Variants in ENTPD4 observed in about 807,000 individuals in gnomAD.
ENTPD4 encodes the protein ectonucleoside triphosphate diphosphohydrolase 4.
ENTPD4 carries 60 observed loss-of-function variants against 79.1 expected under a neutral mutation model. The ratio of observed to expected loss-of-function variants is 0.76; its 90% CI spans 0.62 to 0.94. ENTPD4 has a LOEUF of 0.94. Ranked by LOEUF, ENTPD4 falls within the 40% of genes least tolerant of loss-of-function variation. The pLI is 0.00. For missense variants in ENTPD4, 772 were observed against 775.1 expected (o/e 1.00, Z 0.05); for synonymous variants, 276 against 292.0 (o/e 0.95, Z 0.56).
Position 23,447,881 on chromosome 8 carries a change from G to C in ENTPD4, c.211C>G (p.Leu71Val). 6.2e-7 allele frequency: 1 copy of C among 1,613,768 alleles called. No homozygotes were observed. Among genetic ancestry groups the C allele is most frequent in the South Asian group, 1.1e-5 (1 of 91,062 alleles). The change falls in exon 4 of 13, where the codon CTG (leucine) becomes GTG (valine). Residue 71 changes from leucine (L) to valine (V), a missense_variant. Leu to Val is a conservative substitution (Grantham distance 32). Transcript: ENST00000358689. Reference sequence around the variant, plus strand: ...GCTTCAATGTCGGTAACTCGTGCCAGGTACCTTGTATAGAAACACACGTAT... The same window carrying C: ...GCTTCAATGTCGGTAACTCGTGCCACGTACCTTGTATAGAAACACACGTAT... The part of the protein sequence containing the change: ...LTRDKKFQRY[L>V]ARVTDIEATD...
chr8:23,441,342 GAA>G, intron 8 of ENTPD4: 1 of 897,812 alleles, frequency 1.1e-6, no homozygotes. Flanking sequence ...ATATACCAAA[GAA>G]AAACTCTACG....
At position 23,431,281 on chromosome 8, in the gene ENTPD4, G is replaced by A. The variant is rs915851901; in HGVS notation, c.*1645C>T. 31 of 924,882 alleles carry A rather than the reference G, an allele frequency of 3.4e-5. No individual in the cohort carries two copies. In the African/African-American group the frequency reaches 5.2e-4, roughly 16 times the overall value. 57.3% of individuals were successfully genotyped at this position (924,882 alleles called of 1,614,324 possible). On this transcript the variant is annotated 3_prime_UTR_variant, in exon 13 of 13. Transcript: ENST00000358689. ...CAAAGCCACTTTTATAATATCCTCAGTTATCTGTTATAGCAACAACCCCAC... is the reference window on the plus strand; with the variant it reads ...CAAAGCCACTTTTATAATATCCTCAATTATCTGTTATAGCAACAACCCCAC...
chr8:23,456,101 G>A (rs1800953079), intron 1 of ENTPD4, among the ~76,000 whole-genome samples: 1 of 152,158 alleles, frequency 6.6e-6, no homozygotes, highest in South Asian at 2.1e-4. Flanking sequence ...CCTTCTGGAA[G>A]GCCATGGATC....
intron 2 of ENTPD4, 67 bp from the exon 3 acceptor site, chr8:23,449,006 T>C (rs1800812889): frequency 3.8e-6 from 5 of 1,320,366 alleles, no homozygotes; most frequent in Non-Finnish European, 4.3e-6. Context: ...CCTAAAGTGA[T>C]CCTAAAATAA....
chr8:23,441,745 C>A, intron 7 of ENTPD4, 22 bp from the exon 8 acceptor site: 1 of 1,612,172 alleles, frequency 6.2e-7, no homozygotes, highest in South Asian at 1.1e-5. Flanking sequence ...AGAAAGTGTT[C>A]ACTGGAACAG....
intron 12 of ENTPD4, among the ~76,000 whole-genome samples, chr8:23,433,423 C>T (rs372610977): frequency 2.0e-5 from 3 of 151,926 alleles, no homozygotes; most frequent in Non-Finnish European, 2.9e-5. Flanking sequence ...TTCGCTGATA[C>T]AAAGAAGTCA....
intron 8 of ENTPD4, 43 bp downstream of exon 8, chr8:23,441,526 T>C (rs1800669822): frequency 1.2e-6 from 2 of 1,603,520 alleles, no homozygotes; most frequent in Non-Finnish European, 1.7e-6. Context: ...ACACGTTAAA[T>C]GAAAACCAAA....
Position 23,431,255 on chromosome 8 carries a change from C to T in ENTPD4, c.*1671G>A, listed in dbSNP as rs1352097720. 1.2e-6 allele frequency: 1 copy of T among 843,870 alleles called. No homozygotes were observed. Among genetic ancestry groups the T allele is most frequent in the African/African-American group, 1.9e-5 (1 of 53,898 alleles). 52.3% of individuals were successfully genotyped at this position (843,870 alleles called of 1,614,324 possible). On this transcript the variant is annotated 3_prime_UTR_variant, in exon 13 of 13. Coordinates refer to ENST00000358689, the MANE Select transcript of ENTPD4 (RefSeq NM_004901.5). Reference sequence around the variant, plus strand: ...CCCAGCCTCTGCCCAGTACCTAGTTCCAAAGCCACTTTTATAATATCCTCA... The same window carrying T: ...CCCAGCCTCTGCCCAGTACCTAGTTTCAAAGCCACTTTTATAATATCCTCA...
intron 12 of ENTPD4, 93 bp downstream of exon 12, chr8:23,434,224 T>C (rs1585399791): frequency 6.6e-7 from 1 of 1,511,892 alleles, no homozygotes; most frequent in Non-Finnish European, 9.0e-7. Flanking sequence ...CTAACAGCAA[T>C]GCCCCAAACA....
intron 1 of ENTPD4, among the ~76,000 whole-genome samples, chr8:23,455,865 G>A (rs1370154196): frequency 6.6e-6 from 1 of 152,104 alleles, no homozygotes; most frequent in Non-Finnish European, 1.5e-5. Context: ...GGATTACCTG[G>A]TTCTCAGCTT....
chr8:23,448,605 A>G lies in ENTPD4; in HGVS notation c.206+137T>C, dbSNP rs1176393771. 4 of 695,584 alleles carry G rather than the reference A, an allele frequency of 5.8e-6. No individual in the cohort carries two copies. In the African/African-American group the frequency reaches 7.2e-5, roughly 13 times the overall value. 43.1% of individuals were successfully genotyped at this position (695,584 alleles called of 1,614,324 possible). ...ATGGCACCTTGATCGTGGATTTCCCAACCTCTAGAACAGTTAGAAACAAAT... is the reference window on the plus strand; with the variant it reads ...ATGGCACCTTGATCGTGGATTTCCCGACCTCTAGAACAGTTAGAAACAAAT... On this transcript the variant is annotated intron_variant, in intron 3 of 12. Coordinates refer to ENST00000358689, the MANE Select transcript of ENTPD4 (RefSeq NM_004901.5).
chr8:23,456,221 T>G (rs1299353806), intron 1 of ENTPD4, among the ~76,000 whole-genome samples: 1 of 152,240 alleles, frequency 6.6e-6, no homozygotes, highest in African/African-American at 2.4e-5. Flanking sequence ...TCAGCTCCAG[T>G]GCAGCAGGTC....
At chr8:23,451,388 T>A (rs1182795804) in intron 1 of ENTPD4, among the ~76,000 whole-genome samples, 1 of 152,186 alleles carries the variant, frequency 6.6e-6, no homozygotes, top group Non-Finnish European at 1.5e-5. Context: ...CCTTTCCTTA[T>A]CATCTTTGCC....
rs1800829547 is a variant in ENTPD4, at chr8:23,449,921, G to A, written c.-21C>T. 4 of 1,613,966 alleles carry A rather than the reference G, an allele frequency of 2.5e-6. No homozygotes were observed. The highest frequency in any genetic ancestry group is 3.4e-6 in the Non-Finnish European group (4 of 1,179,876). On this transcript the variant is annotated 5_prime_UTR_variant, in exon 2 of 13. Transcript: ENST00000358689. Reference sequence around the variant, plus strand: ...CCCATACTGAAAGGTCAGCAACAAGGCAATGCTCTGGGATTCAGTCCTTCT... The same window carrying A: ...CCCATACTGAAAGGTCAGCAACAAGACAATGCTCTGGGATTCAGTCCTTCT...
rs1398493444 is a variant in ENTPD4 at position 23,429,245 on chromosome 8, C to T, written c.*3681G>A. The T allele has an allele frequency of 1.1e-5, 11 of 985,404 alleles. No individual in the cohort carries two copies. The highest frequency in any genetic ancestry group is 1.3e-5 in the Non-Finnish European group (11 of 829,922). 61.0% of individuals were successfully genotyped at this position (985,404 alleles called of 1,614,324 possible). On this transcript the variant is annotated 3_prime_UTR_variant, in exon 13 of 13. Transcript: ENST00000358689. ...CTGCCACATACAGCAAGTGACATGA[C>T]ACCAAAAGGACCTTCCGAGAGTATT...
Position 23,430,171 on chromosome 8 carries a change from T to G in ENTPD4, c.*2755A>C. On this transcript the variant is annotated 3_prime_UTR_variant, in exon 13 of 13. Transcript: ENST00000358689. ...CCCTGTATCTCTTAGAGAAAGCACCTGGCTGTCTTCACCTACGCGAGACCT... is the reference window on the plus strand; with the variant it reads ...CCCTGTATCTCTTAGAGAAAGCACCGGGCTGTCTTCACCTACGCGAGACCT... 1 of 985,500 alleles carries G rather than the reference T, an allele frequency of 1.0e-6. No homozygotes were observed. Among genetic ancestry groups the G allele is most frequent in the South Asian group, 4.7e-5 (1 of 21,294 alleles). 61.0% of individuals were successfully genotyped at this position (985,500 alleles called of 1,614,324 possible).
chr8:23,444,420 A>T, intron 5 of ENTPD4, 36 bp downstream of exon 5: 1 of 1,597,140 alleles, frequency 6.3e-7, no homozygotes, highest in Non-Finnish European at 8.6e-7. Context: ...CCCTCCAGGA[A>T]CCCACCCTCA....
In ENTPD4 at chr8:23,432,364, C is replaced by G; in HGVS notation, c.*562G>C. On this transcript the variant is annotated 3_prime_UTR_variant, in exon 13 of 13. Coordinates refer to ENST00000358689, the MANE Select transcript of ENTPD4 (RefSeq NM_004901.5). ...AATTTAACATTCCTTAGAGAAACCC[C>G]AGAAATCTCATTTATTTTTGGCAGA... is the stretch of plus-strand genomic sequence containing the variant. The G allele has an allele frequency of 1.0e-6, 1 of 985,584 alleles. No homozygotes were observed. Among genetic ancestry groups the G allele is most frequent in the Non-Finnish European group, 1.2e-6 (1 of 830,138 alleles). The allele number at this position is 985,584 out of a possible 1,614,324, so 61.1% of individuals were successfully genotyped here. A position where few individuals can be genotyped will look rare whatever the true frequency, so the allele number is the denominator to read the frequency against.
chr8:23,447,562 A>T lies in ENTPD4; in HGVS notation c.412+118T>A, dbSNP rs151336445. The T allele has an allele frequency of 8.2e-3, 6,458 of 788,978 alleles. 45 individuals are homozygous for T. The highest frequency in any genetic ancestry group is 0.012 in the Non-Finnish European group (5,272 of 454,648). 48.9% of individuals were successfully genotyped at this position (788,978 alleles called of 1,614,324 possible). ...AGAAAGTGAAACAAGGAGACCCATC[A>T]GGTCCTGGTGTGAGGTTTGACTCAG... On this transcript the variant is annotated intron_variant, in intron 4 of 12. Coordinates refer to ENST00000358689, the MANE Select transcript of ENTPD4 (RefSeq NM_004901.5).
Sources: allele counts gnomAD v4.1 joint callset (sites outside exome capture counted in the v4.1 genomes callset), GRCh38; gene constraint gnomAD v4.1.1; transcripts MANE v1.5; gene names NCBI Gene and HGNC (gene_info 2026-07-23, HGNC 2026-07-21).